The following JAK2 variants were observed in gnomAD, a reference collection of about 807,000 sequenced individuals.
The protein encoded by JAK2 is tyrosine-protein kinase JAK2.
In JAK2, 86 loss-of-function variants were observed where a neutral mutation model predicts 139.3. The ratio of observed to expected loss-of-function variants is 0.62; its 90% CI spans 0.52 to 0.74. JAK2 has a LOEUF of 0.74. Among genes scored for constraint, JAK2 ranks in the 30% least tolerant of loss-of-function variants. The pLI, the probability that JAK2 is intolerant of heterozygous loss-of-function variation, is 0.00. For synonymous variants in JAK2, 490 were observed against 437.7 expected (o/e 1.12, Z -1.49); for missense variants, 1,421 against 1,360.3 (o/e 1.04, Z -0.70).
At chr9:5,041,956 C>A (rs544572130) in intron 4 of JAK2, 11 of 378,738 alleles carry the variant, frequency 2.9e-5, no homozygotes, top group South Asian at 2.3e-4. Flanking sequence ...GAATCTTCTC[C>A]GTGCGGCCCC....
At chr9:5,053,314 A>T (rs75595778) in intron 6 of JAK2, among the ~76,000 whole-genome samples, 2,519 of 151,922 alleles carry the variant, frequency 0.017, 25 homozygotes, top group Non-Finnish European at 0.027. Context: ...TCATTTTTTA[A>T]TTGGGTTATT....
At chr9:5,117,351 A>G (rs1823274230) in intron 22 of JAK2, among the ~76,000 whole-genome samples, 1 of 152,244 alleles carries the variant, frequency 6.6e-6, no homozygotes, top group Admixed American at 6.5e-5. Flanking sequence ...ATCCAGGGGA[A>G]TAACATGGTG....
intron 13 of JAK2, among the ~76,000 whole-genome samples, chr9:5,073,392 T>C (rs1268902148): frequency 1.3e-5 from 2 of 152,214 alleles, no homozygotes; most frequent in African/African-American, 4.8e-5. Context: ...CTACCTCTAG[T>C]TGTACTTCTG....
chr9:5,003,596 AGT>A (rs1366713834), intron 2 of JAK2, among the ~76,000 whole-genome samples: 1 of 152,048 alleles, frequency 6.6e-6, no homozygotes, highest in Non-Finnish European at 1.5e-5. Context: ...AAATTCACTC[AGT>A]GATTGGTAGA....
At position 5,080,661 on chromosome 9, in the gene JAK2, T is replaced by C. The variant is rs762097564; in HGVS notation, c.2412T>C (p.Asp804=). The C allele has an allele frequency of 1.3e-6, 2 of 1,590,592 alleles. No homozygotes were observed. The highest frequency in any genetic ancestry group is 1.7e-6 in the Non-Finnish European group (2 of 1,172,760). Residue 804 remains aspartate, a synonymous_variant, in exon 18 of 25, where the codon GAT becomes GAC. Coordinates refer to ENST00000381652, the MANE Select transcript of JAK2 (RefSeq NM_004972.4). The stretch of plus-strand genomic sequence containing the variant: ...CTTCTTTCAGAGCCATCATACGAGA[T>C]CTTAACAGTTTGTTTACTCCAGGTA... ...FRPSFRAIIR[D]LNSLFTPDYE...
At chr9:5,027,724 C>A (rs1030000381) in intron 3 of JAK2, among the ~76,000 whole-genome samples, 1 of 152,214 alleles carries the variant, frequency 6.6e-6, no homozygotes, top group Non-Finnish European at 1.5e-5. Flanking sequence ...CCTTTGTTGT[C>A]ATTTCAACAA....
In JAK2 at chr9:5,065,020, C is replaced by T; in HGVS notation, c.1194C>T (p.Ser398=). Residue 398 remains serine, a synonymous_variant, in exon 9 of 25, where the codon AGC becomes AGT. Transcript: ENST00000381652. ...APPAVLENIQ[S]NCHGPISMDF... ...CAGCCGTGCTTGAAAATATACAAAG[C>T]AACTGTCATGGCCCAATTTCGTGAG... The T allele has an allele frequency of 6.3e-7, 1 of 1,596,758 alleles. No homozygotes were observed. Among genetic ancestry groups the T allele is most frequent in the Non-Finnish European group, 8.5e-7 (1 of 1,172,330 alleles).
chr9:5,121,490 C>T (rs1823611879), intron 22 of JAK2, among the ~76,000 whole-genome samples: 1 of 152,116 alleles, frequency 6.6e-6, no homozygotes, highest in Non-Finnish European at 1.5e-5. Context: ...GGTAGTTTTG[C>T]AGCTTGGAAG....
rs1053924739 is a variant in JAK2, at chr9:5,041,277, AG to A, written c.351-3122del. On this transcript the variant is annotated intron_variant, in intron 4 of 24. Coordinates refer to ENST00000381652, the MANE Select transcript of JAK2 (RefSeq NM_004972.4). ...CACATCATCGACCTCGGGCTGGCCA[AG>A]GGGTACACTGGTCTCAGGACCAAGA... The A allele has an allele frequency of 3.6e-6, 4 of 1,116,068 alleles. No individual in the cohort carries two copies. The African/African-American group carries it at 4.6e-5, about 13-fold the overall frequency. The allele number at this position is 1,116,068 out of a possible 1,614,324, so 69.1% of individuals were successfully genotyped here. A position where few individuals can be genotyped will look rare whatever the true frequency, so the allele number is the denominator to read the frequency against.
chr9:4,993,323 C>G (rs1471071014), intron 2 of JAK2, among the ~76,000 whole-genome samples: 1 of 152,206 alleles, frequency 6.6e-6, no homozygotes, highest in East Asian at 1.9e-4. Context: ...TAGATTGGAT[C>G]TTTGCTCTGA....
At chr9:4,996,883 C>G (rs980242752) in intron 2 of JAK2, among the ~76,000 whole-genome samples, 1 of 148,596 alleles carries the variant, frequency 6.7e-6, no homozygotes, top group African/African-American at 2.5e-5. Context: ...TAGGAACAGT[C>G]TTCATGGTGG....
intron 2 of JAK2, among the ~76,000 whole-genome samples, chr9:4,999,465 A>G (rs1820800786): frequency 6.6e-6 from 1 of 152,226 alleles, no homozygotes; most frequent in African/African-American, 2.4e-5. Flanking sequence ...AAAAAAGATT[A>G]CAAATGCTTA....
At chr9:5,056,051 C>T (rs535373473) in intron 8 of JAK2, among the ~76,000 whole-genome samples, 1 of 152,064 alleles carries the variant, frequency 6.6e-6, no homozygotes, top group Non-Finnish European at 1.5e-5. Flanking sequence ...GTTACTTTCT[C>T]CCCCATCCCT....
At chr9:5,070,142 TTTTG>T in intron 12 of JAK2, 90 bp downstream of exon 12, 1 of 861,876 alleles carries the variant, frequency 1.2e-6, no homozygotes, top group Non-Finnish European at 1.7e-6. Context: ...ATTGGAATTA[TTTTG>T]TTATATACAA....
intron 22 of JAK2, among the ~76,000 whole-genome samples, chr9:5,104,669 G>A (rs1821807344): frequency 6.6e-6 from 1 of 152,116 alleles, no homozygotes; most frequent in Admixed American, 6.5e-5. Context: ...ATAAAATACT[G>A]GCAAACCCAA....
intron 22 of JAK2, among the ~76,000 whole-genome samples, chr9:5,119,939 A>C (rs10217652): frequency 1.3e-5 from 2 of 151,996 alleles, no homozygotes; most frequent in African/African-American, 4.8e-5. Context: ...TAGAATATGA[A>C]TTGATAAAAT....
intron 4 of JAK2, among the ~76,000 whole-genome samples, chr9:5,033,100 C>T (rs1224066871): frequency 6.6e-6 from 1 of 152,130 alleles, no homozygotes; most frequent in Non-Finnish European, 1.5e-5. Flanking sequence ...GTGATGAATG[C>T]ACAAGCCTCA....
intron 8 of JAK2, among the ~76,000 whole-genome samples, chr9:5,062,071 A>T (rs555688252): frequency 6.6e-6 from 1 of 152,242 alleles, no homozygotes; most frequent in Admixed American, 6.5e-5. Context: ...GTGCCCCAAA[A>T]CAATTACAGT....
At chr9:5,013,743 T>C (rs1821860611) in intron 2 of JAK2, among the ~76,000 whole-genome samples, 1 of 152,236 alleles carries the variant, frequency 6.6e-6, no homozygotes, top group Non-Finnish European at 1.5e-5. Context: ...ATAATTATGA[T>C]CATTTTCTTC....
Sources: gnomAD v4.1 joint callset for allele counts (sites outside exome capture counted in the v4.1 genomes callset) on GRCh38, gnomAD v4.1.1 for gene constraint, MANE v1.5 for transcripts, NCBI Gene and HGNC (gene_info 2026-07-23, HGNC 2026-07-21) for gene names.